TXLNG: variants seen among roughly 807,000 people sequenced by gnomAD.
TXLNG encodes the protein taxilin gamma, also known as gamma-taxilin.
A neutral mutation model predicts 38.8 loss-of-function variants in TXLNG; 5 were observed. That is an observed-to-expected ratio of 0.13 (90% CI 0.07 to 0.27). The LOEUF (loss-of-function observed/expected upper bound fraction) is 0.27. Among genes scored for constraint, TXLNG ranks in the 10% least tolerant of loss-of-function variants. The probability of loss-of-function intolerance (pLI) is 1.00; values close to 1 mark genes in which losing one functional copy is unlikely to be tolerated. For synonymous variants in TXLNG, 182 were observed against 158.2 expected, an observed-to-expected ratio of 1.15 and a Z score of -1.13; for missense variants, 393 against 398.2, an observed-to-expected ratio of 0.99 and a Z score of 0.11.
intron 3 of TXLNG, among the ~76,000 whole-genome samples, chrX:16,820,720 C>T (rs1372842346): frequency 8.9e-6 from 1 of 112,528 alleles, no homozygotes; most frequent in African/African-American, 3.2e-5. Context: ...TCCTTTTTTC[C>T]ATTTTCTAGA....
At chrX:16,819,878 A>G (rs1928878399) in intron 2 of TXLNG, among the ~76,000 whole-genome samples, 1 of 111,722 alleles carries the variant, frequency 9.0e-6, no homozygotes, top group Non-Finnish European at 1.9e-5. Context: ...GACATCAGTG[A>G]TTAGGCAAGG....
intron 5 of TXLNG, among the ~76,000 whole-genome samples, chrX:16,830,787 G>A (rs1929364862): frequency 9.9e-6 from 1 of 100,528 alleles, no homozygotes; most frequent in Non-Finnish European, 2.0e-5. Flanking sequence ...AAAAAGTAGA[G>A]AGATAATATA....
chrX:16,827,465 C>T (rs926370809), intron 3 of TXLNG, among the ~76,000 whole-genome samples: 3 of 111,253 alleles, frequency 2.7e-5, no homozygotes, highest in African/African-American at 9.8e-5. Context: ...GGGCAGTGTT[C>T]CCAGTGGGCC....
In TXLNG at chrX:16,842,598, C is replaced by T. The variant is rs774022752; in HGVS notation, c.*832C>T. ...TTTGAAAACTGGTGTTCATGTTTGCCGTTCAATGAAGTCCCTTGTCAAAGA... is the reference window on the plus strand; with the variant it reads ...TTTGAAAACTGGTGTTCATGTTTGCTGTTCAATGAAGTCCCTTGTCAAAGA... On this transcript the variant is annotated 3_prime_UTR_variant, in exon 10 of 10. Coordinates refer to ENST00000380122, the MANE Select transcript of TXLNG (RefSeq NM_018360.3). 8 of 112,012 alleles carry T rather than the reference C, an allele frequency of 7.1e-5. No homozygotes were observed. The highest frequency in any genetic ancestry group is 9.5e-5 in the Admixed American group (1 of 10,572). The allele number at this position is 112,012 out of a possible 1,213,427, so 9.2% of individuals were successfully genotyped here. A position where few individuals can be genotyped will look rare whatever the true frequency, so the allele number is the denominator to read the frequency against.
In TXLNG at chrX:16,841,466, A is replaced by G. The variant is rs749910626; in HGVS notation, c.1287A>G (p.Ile429Met). ...VRDKEYKALQ[I>M]KLERLEKLCR... The stretch of plus-strand genomic sequence containing the variant: ...ATAAAGAGTACAAGGCCCTTCAAAT[A>G]AAACTGGAACGGTTAGAGAAGCTGT... Residue 429 changes from isoleucine to methionine, a missense_variant, in exon 10 of 10, where the codon ATA (isoleucine) becomes ATG (methionine). Ile to Met is a conservative substitution (Grantham distance 10). Coordinates refer to ENST00000380122, the MANE Select transcript of TXLNG (RefSeq NM_018360.3). The G allele has an allele frequency of 6.6e-6, 8 of 1,209,441 alleles. No individual in the cohort carries two copies. In the South Asian group the frequency reaches 1.4e-4, roughly 21 times the overall value.
At chrX:16,788,667 G>GTGTTT (rs527320409) in intron 1 of TXLNG, among the ~76,000 whole-genome samples, 6 of 80,324 alleles carry the variant, frequency 7.5e-5, no homozygotes, top group Admixed American at 4.4e-4. Flanking sequence ...AACTTGTTGT[G>GTGTTT]TTTTTTTTTT....
chrX:16,792,912 C>T (rs1927752710), intron 1 of TXLNG, among the ~76,000 whole-genome samples: 1 of 110,152 alleles, frequency 9.1e-6, no homozygotes, highest in Non-Finnish European at 1.9e-5. Flanking sequence ...GCCTGGTCAA[C>T]ATGGTAAAAC....
chrX:16,801,290 A>G (rs921547391), intron 1 of TXLNG, among the ~76,000 whole-genome samples: 1 of 111,711 alleles, frequency 9.0e-6, no homozygotes, highest in Non-Finnish European at 1.9e-5. Context: ...GGTTCATGCA[A>G]TTCTCCTGCC....
chrX:16,804,983 C>T (rs1244690462), intron 1 of TXLNG, among the ~76,000 whole-genome samples: 1 of 2,208 alleles, frequency 4.5e-4, no homozygotes, highest in Admixed American at 3.9e-3. Context: ...CCCCCCCCCC[C>T]GCTTTTTTTT....
Position 16,832,725 on chromosome X carries a change from C to G in TXLNG, c.967C>G (p.Gln323Glu), listed in dbSNP as rs371717188. 11 of 1,193,129 alleles carry G rather than the reference C, an allele frequency of 9.2e-6. No homozygotes were observed. The highest frequency in any genetic ancestry group is 6.8e-5 in the Admixed American group (3 of 43,998). ...GATAAAAGAAGCTGATGAAAAACAT[C>G]AGAGAGAGAGAGAGTTTGTAAGTTC... ...QLIKEADEKH[Q>E]REREFLLKEA... The change falls in exon 6 of 10, where the codon CAG becomes GAG. Residue 323 changes from glutamine to glutamate, a missense_variant. By Grantham distance (29) the Gln-to-Glu change is conservative. Coordinates refer to ENST00000380122, the MANE Select transcript of TXLNG (RefSeq NM_018360.3).
chrX:16,826,650 C>CTTT (rs1929177407), intron 3 of TXLNG, among the ~76,000 whole-genome samples: 1 of 111,478 alleles, frequency 9.0e-6, no homozygotes, highest in Non-Finnish European at 1.9e-5. Context: ...AAACAAAAAC[C>CTTT]TGCTGGGCAC....
chrX:16,812,151 C>T (rs866897622), intron 1 of TXLNG, among the ~76,000 whole-genome samples: 5 of 88,012 alleles, frequency 5.7e-5, no homozygotes, highest in Middle Eastern at 0.013. Context: ...TTACAGGCGC[C>T]CGCCACCACA....
chrX:16,803,570 C>T (rs1268257014), intron 1 of TXLNG, among the ~76,000 whole-genome samples: 2 of 104,414 alleles, frequency 1.9e-5, no homozygotes, highest in African/African-American at 6.9e-5. Flanking sequence ...GTCTTGATCT[C>T]CTGACCTCGT....
intron 5 of TXLNG, among the ~76,000 whole-genome samples, chrX:16,830,798 G>C (rs1375294219): frequency 6.7e-5 from 6 of 89,757 alleles, no homozygotes; most frequent in Non-Finnish European, 1.1e-4. Context: ...AGATAATATA[G>C]CACCTGGCTT....
At chrX:16,804,887 C>T (rs997007588) in intron 1 of TXLNG, among the ~76,000 whole-genome samples, 3 of 104,984 alleles carry the variant, frequency 2.9e-5, no homozygotes. Flanking sequence ...TTTCTCATAC[C>T]TCACTGTCCG....
At chrX:16,786,937 C>T (rs1452802469) in intron 1 of TXLNG, among the ~76,000 whole-genome samples, 1 of 112,456 alleles carries the variant, frequency 8.9e-6, no homozygotes, top group Non-Finnish European at 1.9e-5. Context: ...GCCAGGCGTT[C>T]CTTCTCCCAG....
chrX:16,814,507 T>G (rs895225215), intron 1 of TXLNG, among the ~76,000 whole-genome samples: 1 of 111,149 alleles, frequency 9.0e-6, no homozygotes, highest in African/African-American at 3.3e-5. Flanking sequence ...CCCAGCTACT[T>G]GGGAGGCTGA....
chrX:16,787,899 CAG>C (rs1469699228), intron 1 of TXLNG, among the ~76,000 whole-genome samples: 2 of 112,426 alleles, frequency 1.8e-5, no homozygotes, highest in Non-Finnish European at 1.9e-5. Flanking sequence ...TACGTCTGAG[CAG>C]AGTGTTAAGA....
chrX:16,833,817 C>G (rs1000825488), intron 6 of TXLNG, among the ~76,000 whole-genome samples: 8 of 111,537 alleles, frequency 7.2e-5, no homozygotes, highest in African/African-American at 2.6e-4. Context: ...ATGTCCACCC[C>G]CTCCCCGCTT....
Sources: allele counts gnomAD v4.1 joint callset (sites outside exome capture counted in the v4.1 genomes callset), GRCh38; gene constraint gnomAD v4.1.1; transcripts MANE v1.5; gene names NCBI Gene and HGNC (gene_info 2026-07-23, HGNC 2026-07-21).